The following CSMD2 variants were observed in gnomAD, a reference collection of about 807,000 sequenced individuals.
CSMD2 encodes the protein CUB and sushi domain-containing protein 2.
A neutral mutation model predicts 398.5 loss-of-function variants in CSMD2; 130 were observed. That is an observed-to-expected ratio of 0.33 (90% CI 0.28 to 0.38). The LOEUF (loss-of-function observed/expected upper bound fraction) is 0.38. Ranked by LOEUF, CSMD2 falls within the 10% of genes least tolerant of loss-of-function variation. The pLI is 1.00. For synonymous variants in CSMD2, 1,828 were observed against 1,908.5 expected, an observed-to-expected ratio of 0.96 and a Z score of 1.10; for missense variants, 3,829 against 4,764.9, an observed-to-expected ratio of 0.80 and a Z score of 5.78.
At chr1:33,599,093 AT>A (rs1163437212) in intron 44 of CSMD2, 1 of 152,188 alleles carries the variant, frequency 6.6e-6, no homozygotes, top group Non-Finnish European at 1.5e-5. Flanking sequence ...GGGGGTTAGG[AT>A]GTCAGCATAT....
chr1:33,757,594 C>G (rs768322930), intron 13 of CSMD2, among the ~76,000 whole-genome samples: 2 of 152,180 alleles, frequency 1.3e-5, no homozygotes, highest in Non-Finnish European at 2.9e-5. Flanking sequence ...TCTAGTAACC[C>G]AAACCCTCCT....
chr1:34,151,431 T>G (rs1571278033), intron 1 of CSMD2, among the ~76,000 whole-genome samples: 2 of 151,458 alleles, frequency 1.3e-5, no homozygotes, highest in African/African-American at 2.4e-5. Flanking sequence ...CTGGCTGGGG[T>G]GAGGGTGGAG....
intron 6 of CSMD2, among the ~76,000 whole-genome samples, chr1:33,844,464 T>C (rs766836489): frequency 2.0e-5 from 3 of 152,248 alleles, no homozygotes; most frequent in Non-Finnish European, 4.4e-5. Context: ...TGAGAAACCT[T>C]GCTTTAGAAA....
At chr1:33,873,905 C>T (rs1640649439) in intron 5 of CSMD2, 1 of 152,298 alleles carries the variant, frequency 6.6e-6, no homozygotes. Flanking sequence ...ATTACACTCT[C>T]TCCTCCCCAG....
intron 12 of CSMD2, 49 bp from the exon 13 acceptor site, chr1:33,772,800 C>T: frequency 6.5e-7 from 1 of 1,531,318 alleles, no homozygotes; most frequent in African/African-American, 1.4e-5. Flanking sequence ...GACTTTATAC[C>T]TCTTTTGGAG....
chr1:33,944,792 T>TTGGGATCAAAGC (rs1553259041), intron 3 of CSMD2, among the ~76,000 whole-genome samples: 1 of 152,112 alleles, frequency 6.6e-6, no homozygotes, highest in Non-Finnish European at 1.5e-5. Flanking sequence ...ACAATGCAGG[T>TTGGGATCAAAGC]TGGGATCAAA....
intron 3 of CSMD2, among the ~76,000 whole-genome samples, chr1:33,964,584 T>A (rs934457466): frequency 3.3e-5 from 5 of 152,196 alleles, no homozygotes; most frequent in African/African-American, 4.8e-5. Context: ...ATCCTCCCAC[T>A]CCCAACAAGA....
intron 24 of CSMD2, among the ~76,000 whole-genome samples, chr1:33,694,368 G>C (rs1645346390): frequency 6.6e-6 from 1 of 152,114 alleles, no homozygotes; most frequent in Admixed American, 6.6e-5. Context: ...TACTCACATG[G>C]TTAGGCTTTG....
intron 1 of CSMD2, among the ~76,000 whole-genome samples, chr1:34,155,063 T>C (rs945956287): frequency 6.6e-6 from 1 of 152,098 alleles, no homozygotes; most frequent in African/African-American, 2.4e-5. Context: ...ATCAAACACA[T>C]CAGAATGAGT....
intron 25 of CSMD2, among the ~76,000 whole-genome samples, chr1:33,671,586 C>T (rs1163180679): frequency 2.0e-5 from 3 of 152,082 alleles, no homozygotes; most frequent in African/African-American, 7.2e-5. Flanking sequence ...ACTGCCACAC[C>T]CACGCCCCCA....
intron 53 of CSMD2, among the ~76,000 whole-genome samples, chr1:33,562,643 A>G (rs1234802702): frequency 2.6e-5 from 4 of 152,218 alleles, no homozygotes; most frequent in Admixed American, 1.3e-4. Context: ...CATATGGCCA[A>G]ACATTAGTCC....
At chr1:33,655,637 C>T (rs192028019) in intron 27 of CSMD2, among the ~76,000 whole-genome samples, 9 of 152,294 alleles carry the variant, frequency 5.9e-5, no homozygotes, top group Admixed American at 1.3e-4. Context: ...GTGCCTATCA[C>T]GGGGACAGCA....
intron 11 of CSMD2, among the ~76,000 whole-genome samples, chr1:33,789,166 T>C (rs1653916951): frequency 6.6e-6 from 1 of 152,154 alleles, no homozygotes; most frequent in Non-Finnish European, 1.5e-5. Flanking sequence ...TTTCTCCAGT[T>C]GGAACCCAAG....
At chr1:33,762,237 C>T (rs1187223973) in intron 13 of CSMD2, among the ~76,000 whole-genome samples, 1 of 152,224 alleles carries the variant, frequency 6.6e-6, no homozygotes, top group Non-Finnish European at 1.5e-5. Flanking sequence ...AGCTTTTGAG[C>T]CAGCAGCTGT....
At chr1:34,159,411 A>G (rs554034695) in intron 1 of CSMD2, among the ~76,000 whole-genome samples, 1 of 150,748 alleles carries the variant, frequency 6.6e-6, no homozygotes, top group African/African-American at 2.5e-5. Context: ...TCAGGCCTCA[A>G]AAGCAGCACA....
At chr1:33,902,844 T>C (rs1269327610) in intron 5 of CSMD2, among the ~76,000 whole-genome samples, 1 of 152,158 alleles carries the variant, frequency 6.6e-6, no homozygotes, top group African/African-American at 2.4e-5. Flanking sequence ...TCTGATTGCC[T>C]TTCCTCCTGT....
At chr1:34,120,474 G>T (rs1662062353) in intron 1 of CSMD2, among the ~76,000 whole-genome samples, 1 of 152,168 alleles carries the variant, frequency 6.6e-6, no homozygotes, top group Non-Finnish European at 1.5e-5. Flanking sequence ...AGAAACGAGG[G>T]GCATGGGAGT....
At chr1:33,811,543 C>A (rs577622762) in intron 9 of CSMD2, among the ~76,000 whole-genome samples, 1 of 152,166 alleles carries the variant, frequency 6.6e-6, no homozygotes, top group Non-Finnish European at 1.5e-5. Context: ...CTTCCCAAAT[C>A]CGTCTCCACA....
At chr1:33,818,587 T>G (rs1208625657) in intron 9 of CSMD2, among the ~76,000 whole-genome samples, 1 of 152,244 alleles carries the variant, frequency 6.6e-6, no homozygotes. Flanking sequence ...GAATTCTTTT[T>G]TGTTGTTTGA....
Sources: gnomAD v4.1 joint callset for allele counts (sites outside exome capture counted in the v4.1 genomes callset) on GRCh38, gnomAD v4.1.1 for gene constraint, MANE v1.5 for transcripts, NCBI Gene and HGNC (gene_info 2026-07-23, HGNC 2026-07-21) for gene names.